KHDRBS3: variants seen among roughly 807,000 people sequenced by gnomAD.
KHDRBS3 encodes KH RNA binding domain containing, signal transduction associated 3, also known as KH domain-containing, RNA-binding, signal transduction-associated protein 3.
In KHDRBS3, 23 loss-of-function variants were observed where a neutral mutation model predicts 45.6. The observed-to-expected ratio is 0.50, with a 90% CI of 0.36 to 0.72. KHDRBS3 has a LOEUF of 0.72. Among genes scored for constraint, KHDRBS3 ranks in the 30% least tolerant of loss-of-function variants. The pLI is 0.00. For synonymous variants in KHDRBS3, 162 were observed against 156.5 expected (o/e 1.04, Z -0.26); for missense variants, 352 against 424.8 (o/e 0.83, Z 1.51).
At chr8:135,486,137 G>A (rs1437768467) in intron 1 of KHDRBS3, among the ~76,000 whole-genome samples, 2 of 152,020 alleles carry the variant, frequency 1.3e-5, no homozygotes, top group African/African-American at 2.4e-5. Flanking sequence ...TTTGAGAAGC[G>A]AAGTAGAAGA....
intron 7 of KHDRBS3, among the ~76,000 whole-genome samples, chr8:135,628,782 C>A (rs1175782761): frequency 6.6e-6 from 1 of 152,120 alleles, no homozygotes; most frequent in Non-Finnish European, 1.5e-5. Context: ...AGTTTTCTTA[C>A]ACAGAAGGTT....
At chr8:135,645,307 T>A (rs1043549279) in intron 8 of KHDRBS3, among the ~76,000 whole-genome samples, 190 bp downstream of exon 8, 1 of 152,234 alleles carries the variant, frequency 6.6e-6, no homozygotes, top group African/African-American at 2.4e-5. Context: ...GACTAAAGAC[T>A]TGCTGAAGAT....
intron 1 of KHDRBS3, among the ~76,000 whole-genome samples, chr8:135,485,489 ATGT>A (rs952749985): frequency 2.0e-5 from 3 of 152,132 alleles, no homozygotes; most frequent in African/African-American, 7.2e-5. Context: ...CCAGTCACAC[ATGT>A]TGTCACATCA....
chr8:135,606,079 G>T (rs1829449357), intron 6 of KHDRBS3, among the ~76,000 whole-genome samples: 1 of 152,004 alleles, frequency 6.6e-6, no homozygotes, highest in Admixed American at 6.6e-5. Flanking sequence ...TAGTTTACTA[G>T]TCAGCTAATG....
chr8:135,571,939 CTG>C (rs1827722808), intron 5 of KHDRBS3, among the ~76,000 whole-genome samples: 1 of 152,212 alleles, frequency 6.6e-6, no homozygotes, highest in Admixed American at 6.5e-5. Context: ...AGGAATCAAA[CTG>C]TGCTGTGATT....
intron 1 of KHDRBS3, 83 bp downstream of exon 1, chr8:135,458,037 C>T (rs1821206855): frequency 1.4e-6 from 2 of 1,458,502 alleles, no homozygotes; most frequent in East Asian, 2.8e-5. Flanking sequence ...CCCTCCGTGC[C>T]CTCTGCTGTC....
intron 7 of KHDRBS3, among the ~76,000 whole-genome samples, chr8:135,633,589 T>C (rs941389223): frequency 6.6e-6 from 1 of 152,248 alleles, no homozygotes; most frequent in Non-Finnish European, 1.5e-5. Context: ...CTGTTAAGTA[T>C]TTAAATAAAA....
chr8:135,647,129 G>T lies in KHDRBS3; in HGVS notation c.*45G>T, dbSNP rs1831324884. 2.1e-6 allele frequency: 2 copies of T among 958,552 alleles called. No individual in the cohort carries two copies. Among genetic ancestry groups the T allele is most frequent in the African/African-American group, 3.3e-5 (2 of 60,994 alleles). The allele number at this position is 958,552 out of a possible 1,614,324, so 59.4% of individuals were successfully genotyped here. A position where few individuals can be genotyped will look rare whatever the true frequency, so the allele number is the denominator to read the frequency against. On this transcript the variant is annotated 3_prime_UTR_variant, in exon 9 of 9. Transcript: ENST00000355849. ...GAAATAGCCAATCTCCACCAGTCCTGTATACTGTTCAAAGTAATTTTTTTC... is the reference window on the plus strand; with the variant it reads ...GAAATAGCCAATCTCCACCAGTCCTTTATACTGTTCAAAGTAATTTTTTTC...
In KHDRBS3 at chr8:135,631,455, G is replaced by A. The variant is rs796149679; in HGVS notation, c.891-13604G>A. On this transcript the variant is annotated intron_variant, in intron 7 of 8. Coordinates refer to ENST00000355849, the MANE Select transcript of KHDRBS3 (RefSeq NM_006558.3). ...TTTCTGTTTTTAAACTAATGTTTTG[G>A]TTTTTTTTTTAACTTTTTAAACGTT... 2.0e-5 allele frequency among the ~76,000 whole-genome samples: 3 copies of A among 147,442 alleles called. No individual in the cohort carries two copies. The East Asian group carries it at 5.9e-4, about 29-fold the overall frequency.
intron 1 of KHDRBS3, among the ~76,000 whole-genome samples, chr8:135,479,202 T>C (rs1386878718): frequency 6.6e-6 from 1 of 152,220 alleles, no homozygotes; most frequent in Non-Finnish European, 1.5e-5. Context: ...TATATGCTAA[T>C]AAATTAGATA....
intron 1 of KHDRBS3, among the ~76,000 whole-genome samples, chr8:135,481,798 T>C (rs1822591997): frequency 6.6e-6 from 1 of 152,194 alleles, no homozygotes; most frequent in Non-Finnish European, 1.5e-5. Flanking sequence ...CTAAATCATA[T>C]TTTGTAGTAA....
intron 6 of KHDRBS3, among the ~76,000 whole-genome samples, chr8:135,594,280 A>G (rs1274619558): frequency 6.6e-6 from 1 of 152,224 alleles, no homozygotes; most frequent in Non-Finnish European, 1.5e-5. Context: ...ATATGTTCTT[A>G]TAGTGTGGCA....
chr8:135,635,250 A>G (rs1461692543), intron 7 of KHDRBS3, among the ~76,000 whole-genome samples: 1 of 152,220 alleles, frequency 6.6e-6, no homozygotes, highest in Non-Finnish European at 1.5e-5. Flanking sequence ...TTCTGATGTG[A>G]TATGTTGTTT....
At chr8:135,517,819 A>T (rs1289525420) in intron 1 of KHDRBS3, among the ~76,000 whole-genome samples, 22 of 152,214 alleles carry the variant, frequency 1.4e-4, no homozygotes, top group Admixed American at 1.4e-3. Context: ...AGGCTTAAAA[A>T]ATTTAAAAAA....
chr8:135,527,891 C>T (rs1019022990), intron 2 of KHDRBS3, among the ~76,000 whole-genome samples: 3 of 152,100 alleles, frequency 2.0e-5, no homozygotes, highest in Non-Finnish European at 2.9e-5. Context: ...CTACTTTACA[C>T]GTTTCTGTAC....
chr8:135,602,200 A>C lies in KHDRBS3; in HGVS notation c.808-4755A>C, dbSNP rs1444922068. On this transcript the variant is annotated intron_variant, in intron 6 of 8. Coordinates refer to ENST00000355849, the MANE Select transcript of KHDRBS3 (RefSeq NM_006558.3). The stretch of plus-strand genomic sequence containing the variant: ...AGAATTCCCTGTGCTCCCTACCTGG[A>C]ACCTTAGACACTGATTTGCAGTCAC... Among the ~76,000 whole-genome samples, 5 of 152,322 alleles carry C rather than the reference A, an allele frequency of 3.3e-5. No individual in the cohort carries two copies. In the East Asian group the frequency reaches 7.7e-4, roughly 24 times the overall value.
rs1554642886 is a variant in KHDRBS3 at position 135,631,252 on chromosome 8, G to GGA, written c.891-13807_891-13806insGA. On this transcript the variant is annotated intron_variant, in intron 7 of 8. Coordinates refer to ENST00000355849, the MANE Select transcript of KHDRBS3 (RefSeq NM_006558.3). ...GGCAACAGAGCGAGACTCCGTCTCG[G>GGA]AAAAAAAAAAAAAAAAAAAAAGGAT... 1.5e-4 allele frequency among the ~76,000 whole-genome samples: 11 copies of GGA among 74,984 alleles called. No individual in the cohort carries two copies. The South Asian group carries it at 2.1e-3, about 14-fold the overall frequency. 49.2% of individuals were successfully genotyped at this position (74,984 alleles called of 152,430 possible).
intron 7 of KHDRBS3, among the ~76,000 whole-genome samples, chr8:135,624,866 G>A (rs1026617229): frequency 1.3e-5 from 2 of 152,044 alleles, no homozygotes; most frequent in Non-Finnish European, 2.9e-5. Flanking sequence ...CACTGAGGTC[G>A]CCACGTCAGC....
At chr8:135,551,307 G>C (rs1412988454) in intron 4 of KHDRBS3, among the ~76,000 whole-genome samples, 2 of 151,992 alleles carry the variant, frequency 1.3e-5, no homozygotes, top group African/African-American at 4.8e-5. Flanking sequence ...ACACTGACTA[G>C]AACCGTGAAT....
Sources: gnomAD v4.1 joint callset for allele counts (sites outside exome capture counted in the v4.1 genomes callset) on GRCh38, gnomAD v4.1.1 for gene constraint, MANE v1.5 for transcripts, NCBI Gene and HGNC (gene_info 2026-07-23, HGNC 2026-07-21) for gene names.